The following SWT1 variants were observed in gnomAD, a reference collection of about 807,000 sequenced individuals.
SWT1 encodes the protein transcriptional protein SWT1.
A neutral mutation model predicts 107.3 loss-of-function variants in SWT1; 33 were observed. The observed-to-expected ratio is 0.31, with a 90% CI of 0.23 to 0.41. The LOEUF (loss-of-function observed/expected upper bound fraction) is 0.41. Ranked by LOEUF, SWT1 falls within the 10% of genes least tolerant of loss-of-function variation. SWT1 has a pLI of 1.00. For synonymous variants in SWT1, 345 were observed against 348.3 expected, an observed-to-expected ratio of 0.99 and a Z score of 0.11; for missense variants, 898 against 1,028.9, an observed-to-expected ratio of 0.87 and a Z score of 1.74.
intron 13 of SWT1, among the ~76,000 whole-genome samples, chr1:185,208,628 TATTATGTGTCA>T: frequency 6.6e-6 from 1 of 152,192 alleles, no homozygotes; most frequent in Non-Finnish European, 1.5e-5. Flanking sequence ...TATGTACAAT[TATTATGTGTCA>T]ACCATAAATA....
At chr1:185,231,766 G>A in intron 16 of SWT1, 58 bp downstream of exon 16, 1 of 1,424,594 alleles carries the variant, frequency 7.0e-7, no homozygotes, top group Non-Finnish European at 9.6e-7. Flanking sequence ...CTTTCTCCTA[G>A]GCTTACCAAC....
At chr1:185,163,871 C>T (rs1326230813) in intron 2 of SWT1, among the ~76,000 whole-genome samples, 1 of 152,144 alleles carries the variant, frequency 6.6e-6, no homozygotes, top group Non-Finnish European at 1.5e-5. Context: ...TTGACCTACT[C>T]CCACAAATCA....
Position 185,214,516 on chromosome 1 carries a change from C to T in SWT1, c.1982C>T (p.Ala661Val). 1.2e-6 allele frequency: 2 copies of T among 1,607,988 alleles called. No individual in the cohort carries two copies. The highest frequency in any genetic ancestry group is 1.7e-6 in the Non-Finnish European group (2 of 1,177,258). Residue 661 changes from alanine (A) to valine (V), a missense_variant, in exon 14 of 19, where the codon GCA (alanine) becomes GTA (valine). Physicochemically the swap from Ala to Val is moderately conservative, Grantham distance 64. Around this residue, in one of 6 missense-constraint regions of SWT1, gnomAD observed 382 missense variants for 460.0 expected, o/e 0.83. Transcript: ENST00000367500. ...AATTTTCTGTTACCAGCTAATAAGG[C>T]AGTGGATTTTACAACAGTCAAATTC... ...LYKNLRKANK[A>V]VDFTTVKFLL...
At chr1:185,223,839 C>T (rs1481998689) in intron 15 of SWT1, among the ~76,000 whole-genome samples, 3 of 152,174 alleles carry the variant, frequency 2.0e-5, no homozygotes, top group Middle Eastern at 6.3e-3. Context: ...TCATTGCTCC[C>T]CTCCATGTGT....
At chr1:185,212,410 G>A (rs1007388233) in intron 13 of SWT1, among the ~76,000 whole-genome samples, 23 of 152,212 alleles carry the variant, frequency 1.5e-4, no homozygotes, top group Admixed American at 3.3e-4. Flanking sequence ...CTGAGAGGTG[G>A]TAGGTGGCAG....
At chr1:185,166,733 A>C (rs538405176) in intron 3 of SWT1, 81 bp downstream of exon 3, 1 of 827,364 alleles carries the variant, frequency 1.2e-6, no homozygotes, top group South Asian at 1.8e-5. Context: ...AATTCCTCCT[A>C]TACTTTTTGA....
intron 16 of SWT1, among the ~76,000 whole-genome samples, chr1:185,256,765 C>T (rs1366951135): frequency 6.6e-6 from 1 of 151,886 alleles, no homozygotes; most frequent in South Asian, 2.1e-4. Context: ...TCGTCTGAAG[C>T]GTTCTTTTCT....
chr1:185,241,871 A>T (rs925142492), intron 16 of SWT1, among the ~76,000 whole-genome samples: 3 of 152,172 alleles, frequency 2.0e-5, no homozygotes, highest in Non-Finnish European at 4.4e-5. Context: ...AATCAGGAGG[A>T]AGGAGAAAGA....
At chr1:185,287,605 G>A (rs1665021260) in intron 18 of SWT1, among the ~76,000 whole-genome samples, 1 of 152,136 alleles carries the variant, frequency 6.6e-6, no homozygotes, top group African/African-American at 2.4e-5. Context: ...CCCATCACCA[G>A]GAGGGAAAAG....
intron 16 of SWT1, among the ~76,000 whole-genome samples, chr1:185,257,469 G>A (rs986123849): frequency 6.6e-6 from 1 of 152,214 alleles, no homozygotes; most frequent in African/African-American, 2.4e-5. Flanking sequence ...CCAGGTGCGG[G>A]ATATAATCTC....
rs1242217516 is a variant in SWT1 at position 185,227,598 on chromosome 1, G to A, written c.2310-3979G>A. Reference sequence around the variant, plus strand: ...TATTTTTATCCTATTATCACCAAGCGTTTCCAAGTATAGTAATCATTTTTA... The same window carrying A: ...TATTTTTATCCTATTATCACCAAGCATTTCCAAGTATAGTAATCATTTTTA... On this transcript the variant is annotated intron_variant, in intron 15 of 18. Transcript: ENST00000367500. 13 of 509,696 alleles carry A rather than the reference G, an allele frequency of 2.6e-5. No individual in the cohort carries two copies. The East Asian group carries it at 4.6e-4, about 18-fold the overall frequency. The allele number at this position is 509,696 out of a possible 1,614,324, so 31.6% of individuals were successfully genotyped here.
chr1:185,217,485 A>T (rs1488518032), intron 14 of SWT1, among the ~76,000 whole-genome samples: 1 of 152,158 alleles, frequency 6.6e-6, no homozygotes, highest in Admixed American at 6.5e-5. Flanking sequence ...CTAATGCCTG[A>T]TGATCTGTCA....
intron 9 of SWT1, among the ~76,000 whole-genome samples, chr1:185,189,161 G>GT (rs949460434): frequency 2.0e-5 from 3 of 151,410 alleles, no homozygotes; most frequent in South Asian, 2.1e-4. Context: ...TAATTTTCTT[G>GT]TTTTTTTTGT....
At chr1:185,275,272 T>C (rs1664162294) in intron 17 of SWT1, among the ~76,000 whole-genome samples, 1 of 151,910 alleles carries the variant, frequency 6.6e-6, no homozygotes, top group South Asian at 2.1e-4. Flanking sequence ...TGTGTGGCTA[T>C]AGTAACAATA....
chr1:185,184,426 C>T (rs746111866), intron 8 of SWT1, 82 bp downstream of exon 8: 62 of 817,688 alleles, frequency 7.6e-5, no homozygotes, highest in Non-Finnish European at 1.2e-4. Context: ...CTTTTTTTGC[C>T]ATGAACATGT....
chr1:185,241,226 G>C (rs1661235794), intron 16 of SWT1, among the ~76,000 whole-genome samples: 1 of 152,176 alleles, frequency 6.6e-6, no homozygotes, highest in Non-Finnish European at 1.5e-5. Context: ...TTGAAGTTTA[G>C]AAGTGACTTT....
intron 15 of SWT1, among the ~76,000 whole-genome samples, chr1:185,228,365 C>A (rs972632555): frequency 6.6e-6 from 1 of 150,976 alleles, no homozygotes; most frequent in South Asian, 2.1e-4. Context: ...TACTAGAAAT[C>A]AAAAAAGTTA....
At chr1:185,214,787 G>T (rs1012959583) in intron 14 of SWT1, 132 bp downstream of exon 14, 1 of 700,092 alleles carries the variant, frequency 1.4e-6, no homozygotes, top group Admixed American at 3.6e-5. Flanking sequence ...TTAAGTAAAT[G>T]TTAAGTGAAT....
intron 5 of SWT1, among the ~76,000 whole-genome samples, chr1:185,177,649 T>C (rs545230904): frequency 2.4e-4 from 37 of 152,326 alleles, no homozygotes; most frequent in African/African-American, 8.7e-4. Flanking sequence ...TAGATAATTA[T>C]TTTCCTAAAA....
Sources: gnomAD v4.1 joint callset for allele counts (sites outside exome capture counted in the v4.1 genomes callset) on GRCh38, gnomAD v4.1.1 for gene constraint, gnomAD v4.1.1 regional missense constraint, MANE v1.5 for transcripts, NCBI Gene and HGNC (gene_info 2026-07-23, HGNC 2026-07-21) for gene names.